DRICH1: variants seen among roughly 807,000 people sequenced by gnomAD.
DRICH1 encodes aspartate-rich protein 1.
A neutral mutation model predicts 39.5 loss-of-function variants in DRICH1; 38 were observed. The observed-to-expected ratio is 0.96, with a 90% CI of 0.74 to 1.26. The LOEUF (loss-of-function observed/expected upper bound fraction) is 1.26. Among genes scored for constraint, DRICH1 ranks in the 50% most tolerant of loss-of-function variants. The probability of loss-of-function intolerance (pLI) is 0.00; values close to 1 mark genes in which losing one functional copy is unlikely to be tolerated. For missense variants in DRICH1, 279 were observed against 270.4 expected (o/e 1.03, Z -0.22); for synonymous variants, 84 against 99.5 (o/e 0.84, Z 0.93).
intron 6 of DRICH1, among the ~76,000 whole-genome samples, chr22:23,617,906 T>C (rs1927465112): frequency 6.6e-6 from 1 of 152,172 alleles, no homozygotes; most frequent in African/African-American, 2.4e-5. Flanking sequence ...TAAGGGTCAA[T>C]GGAAGAGTGC....
At chr22:23,598,926 C>A in the DRICH1 span, among the ~76,000 whole-genome samples, 1 of 152,192 alleles carries the variant, frequency 6.6e-6, no homozygotes, top group Non-Finnish European at 1.5e-5. Flanking sequence ...AGGCTCTGGC[C>A]TGAAAGTCAG....
chr22:23,605,460 C>A (rs1569083808), downstream of DRICH1, among the ~76,000 whole-genome samples: 1 of 152,154 alleles, frequency 6.6e-6, no homozygotes, highest in East Asian at 1.9e-4. Flanking sequence ...CCACCTGGTG[C>A]TCGGGGAGGT....
At chr22:23,592,194 A>G in the DRICH1 span, among the ~76,000 whole-genome samples, 3 of 152,200 alleles carry the variant, frequency 2.0e-5, no homozygotes, top group Non-Finnish European at 4.4e-5. Flanking sequence ...CATGGGACTC[A>G]ATGGGGGTGT....
At position 23,619,403 on chromosome 22, in the gene DRICH1, A is replaced by T. The variant is rs1927574979; in HGVS notation, c.407-10T>A. 1.3e-6 allele frequency: 1 copy of T among 780,320 alleles called. No individual in the cohort carries two copies. The highest frequency in any genetic ancestry group is 1.7e-5 in the Admixed American group (1 of 59,008). 48.3% of individuals were successfully genotyped at this position (780,320 alleles called of 1,614,324 possible). A position where few individuals can be genotyped will look rare whatever the true frequency, so the allele number is the denominator to read the frequency against. On this transcript the variant is annotated splice_polypyrimidine_tract_variant and intron_variant, in intron 5 of 11. Coordinates refer to ENST00000317749, the MANE Select transcript of DRICH1 (RefSeq NM_016449.4). ...AACCGGTAACAGCCACCTGCGGAGA[A>T]ATGGAAAAGTTAATCTAAGACTTTA...
intron 8 of DRICH1, among the ~76,000 whole-genome samples, chr22:23,615,332 C>T (rs147727222): frequency 1.9e-3 from 293 of 152,276 alleles, no homozygotes; most frequent in African/African-American, 6.1e-3. Flanking sequence ...GCCGCGATCA[C>T]GCCATTGCAC....
At chr22:23,631,185 C>T (rs1055165951) in intron 1 of DRICH1, among the ~76,000 whole-genome samples, 4 of 151,908 alleles carry the variant, frequency 2.6e-5, no homozygotes, top group Non-Finnish European at 5.9e-5. Context: ...TTTGGGAGGC[C>T]GAGGCGGGCA....
In DRICH1 at chr22:23,616,887, A is replaced by G. The variant is rs1474209159; in HGVS notation, c.520-13T>C. 24 of 1,613,824 alleles carry G rather than the reference A, an allele frequency of 1.5e-5. No homozygotes were observed. Among genetic ancestry groups the G allele is most frequent in the Non-Finnish European group, 2.0e-5 (24 of 1,179,792 alleles). ...GTGACGGTAAAATCTGCAATGAGAT[A>G]AAAGAAGATGCTGTAAGGATCAGAT... On this transcript the variant is annotated splice_polypyrimidine_tract_variant and intron_variant, in intron 7 of 11. Transcript: ENST00000317749.
At chr22:23,629,566 G>A (rs143486600) in intron 1 of DRICH1, among the ~76,000 whole-genome samples, 2,053 of 152,246 alleles carry the variant, frequency 0.013, 21 homozygotes, top group Non-Finnish European at 0.018. Context: ...GAGTTCTGAC[G>A]TGGCACTGGC....
chr22:23,620,839 A>G (rs1927681819), intron 4 of DRICH1, among the ~76,000 whole-genome samples: 1 of 152,200 alleles, frequency 6.6e-6, no homozygotes, highest in African/African-American at 2.4e-5. Context: ...CTTTAAGGCT[A>G]TTGACTTAGA....
downstream of DRICH1, among the ~76,000 whole-genome samples, chr22:23,607,540 G>GGC (rs1569084875): frequency 6.6e-6 from 1 of 151,336 alleles, no homozygotes; most frequent in Non-Finnish European, 1.5e-5. Context: ...GGCGGGGGCG[G>GGC]GGGGGGGCCT....
chr22:23,587,566 G>T, the DRICH1 span, among the ~76,000 whole-genome samples: 1 of 152,164 alleles, frequency 6.6e-6, no homozygotes, highest in Non-Finnish European at 1.5e-5. Flanking sequence ...AGTGGTGAAG[G>T]CCTCAGGCCT....
downstream of DRICH1, among the ~76,000 whole-genome samples, chr22:23,606,665 G>A (rs1451626410): frequency 6.6e-6 from 1 of 152,192 alleles, no homozygotes; most frequent in Non-Finnish European, 1.5e-5. Context: ...GTAGGGAAGA[G>A]CGGAGGGTCT....
chr22:23,602,735 T>G, the DRICH1 span, among the ~76,000 whole-genome samples: 1 of 152,164 alleles, frequency 6.6e-6, no homozygotes, highest in Non-Finnish European at 1.5e-5. Flanking sequence ...TATTCTGTAT[T>G]TCAATTGTGA....
chr22:23,620,600 C>T lies in DRICH1; in HGVS notation c.400G>A (p.Val134Ile). The T allele has an allele frequency of 2.5e-6, 4 of 1,613,944 alleles. No individual in the cohort carries two copies. The highest frequency in any genetic ancestry group is 1.1e-5 in the South Asian group (1 of 91,074). The change falls in exon 5 of 12, where the codon GTC becomes ATC. Residue 134 changes from valine (V) to isoleucine (I), a missense_variant. Coordinates refer to ENST00000317749, the MANE Select transcript of DRICH1 (RefSeq NM_016449.4). ...GTTAGTTCAAGGTACATACCCTGGACACGTGACGGTAAAATCTGCAACGAG... is the reference window on the plus strand; with the variant it reads ...GTTAGTTCAAGGTACATACCCTGGATACGTGACGGTAAAATCTGCAACGAG... Reference protein sequence around the residue: ...DDDAQILPSRVQGGCYRFDSS... With the variant: ...DDDAQILPSRIQGGCYRFDSS...
downstream of DRICH1, chr22:23,607,324 T>A (rs1446384285): frequency 6.6e-6 from 1 of 152,224 alleles, no homozygotes; most frequent in Non-Finnish European, 1.5e-5. Context: ...CCTTCACAGG[T>A]GAGGAAACGG....
At chr22:23,582,566 T>TATTATTA in the DRICH1 span, among the ~76,000 whole-genome samples, 10 of 147,494 alleles carry the variant, frequency 6.8e-5, no homozygotes, top group East Asian at 2.0e-4. Context: ...TTATTATTAT[T>TATTATTA]ATTATTATTA....
At chr22:23,589,460 C>A in the DRICH1 span, among the ~76,000 whole-genome samples, 35 of 149,910 alleles carry the variant, frequency 2.3e-4, no homozygotes, top group South Asian at 5.1e-3. Flanking sequence ...TTAAAAAAAA[C>A]CCAAAAAACA....
chr22:23,596,390 G>T, the DRICH1 span, among the ~76,000 whole-genome samples: 10 of 151,826 alleles, frequency 6.6e-5, no homozygotes, highest in East Asian at 1.6e-3. Flanking sequence ...TTCGCAAGTA[G>T]TTGTGACCAC....
intron 6 of DRICH1, among the ~76,000 whole-genome samples, 197 bp downstream of exon 6, chr22:23,619,167 G>A (rs1162637585): frequency 8.1e-5 from 9 of 111,266 alleles, no homozygotes; most frequent in Non-Finnish European, 1.3e-4. Context: ...GTGAGACTCC[G>A]TCTCAAAAAA....
Sources: allele counts gnomAD v4.1 joint callset (sites outside exome capture counted in the v4.1 genomes callset), GRCh38; gene constraint gnomAD v4.1.1; transcripts MANE v1.5; gene names NCBI Gene and HGNC (gene_info 2026-07-23, HGNC 2026-07-21).